The following SNX8 variants were observed in gnomAD, a reference collection of about 807,000 sequenced individuals.
SNX8 encodes the protein sorting nexin-8.
In SNX8, 25 loss-of-function variants were observed where a neutral mutation model predicts 51.6. The ratio of observed to expected loss-of-function variants is 0.48; its 90% confidence interval spans 0.35 to 0.68. SNX8 has a LOEUF of 0.68. Among genes scored for constraint, SNX8 ranks in the 30% least tolerant of loss-of-function variants. The probability of loss-of-function intolerance (pLI) is 0.00; values close to 1 mark genes in which losing one functional copy is unlikely to be tolerated. For missense variants in SNX8, 695 were observed against 624.0 expected (o/e 1.11, Z -1.21); for synonymous variants, 324 against 277.0 (o/e 1.17, Z -1.68).
At chr7:2,319,687 C>T (rs944137174) in intron 1 of SNX8, among the ~76,000 whole-genome samples, 4 of 152,136 alleles carry the variant, frequency 2.6e-5, no homozygotes, top group Admixed American at 6.6e-5. Context: ...TGGTGGCGGG[C>T]GCCTGTAGTC....
Position 2,314,377 on chromosome 7 carries a change from C to A in SNX8, c.45G>T (p.Gly15=), listed in dbSNP as rs1796718870. 9 of 1,222,938 alleles carry A rather than the reference C, an allele frequency of 7.4e-6. No homozygotes were observed. Among genetic ancestry groups the A allele is most frequent in the Non-Finnish European group, 9.2e-6 (9 of 981,936 alleles). The allele number at this position is 1,222,938 out of a possible 1,614,324, so 75.8% of individuals were successfully genotyped here. ...CGTCAGCCTCCGCCTCAGCTGCCGC[C>A]CCGACTGCAGCCGCGGGCAGCGGGT... ...AMDPLPAAAV[G]AAAEAEADEE... is the part of the protein sequence containing the mutation. Residue 15 remains glycine (G), a synonymous_variant, in exon 1 of 11, where the codon GGG becomes GGT. Transcript: ENST00000222990.
At chr7:2,317,250 T>TC (rs1273019379), upstream of SNX8, among the ~76,000 whole-genome samples, 43 of 89,364 alleles carry the variant, frequency 4.8e-4, no homozygotes, top group African/African-American at 1.6e-3. Flanking sequence ...TCCTGGACCT[T>TC]CTTTTTTTTT....
At chr7:2,283,567 A>G (rs1562437405) in intron 1 of SNX8, among the ~76,000 whole-genome samples, 1 of 152,080 alleles carries the variant, frequency 6.6e-6, no homozygotes, top group Non-Finnish European at 1.5e-5. Flanking sequence ...GCGCATTCCC[A>G]TGGACTCCAA....
At chr7:2,314,198 G>A (rs1796714232) in intron 1 of SNX8, 130 bp downstream of exon 1, 1 of 997,262 alleles carries the variant, frequency 1.0e-6, no homozygotes, top group Admixed American at 4.5e-5. Flanking sequence ...ACTGGGGCGT[G>A]GGGCCGAACG....
At chr7:2,255,211 G>T in intron 10 of SNX8, 42 bp from the exon 11 acceptor site, 1 of 1,282,882 alleles carries the variant, frequency 7.8e-7, no homozygotes. Context: ...AGGCGGGGCC[G>T]GGGCTCCTCC....
At chr7:2,331,549 C>CA (rs1778736846) in intron 1 of SNX8, among the ~76,000 whole-genome samples, 1 of 151,660 alleles carries the variant, frequency 6.6e-6, no homozygotes, top group South Asian at 2.1e-4. Context: ...ACTAAAAATA[C>CA]AAAAAATTAG....
intron 1 of SNX8, among the ~76,000 whole-genome samples, chr7:2,342,648 C>T (rs989096929): frequency 2.0e-5 from 3 of 148,124 alleles, no homozygotes; most frequent in Non-Finnish European, 1.5e-5. Flanking sequence ...AGCGAGACTC[C>T]ATCTCCCAAA....
chr7:2,261,911 G>A (rs988452224), intron 7 of SNX8, among the ~76,000 whole-genome samples: 1 of 152,224 alleles, frequency 6.6e-6, no homozygotes, highest in Non-Finnish European at 1.5e-5. Context: ...GAGCTCCGGG[G>A]CTCAGGGGAA....
rs201780693 is a variant in SNX8, at chr7:2,275,227, G to A, written c.303C>T (p.Arg101=). The A allele has an allele frequency of 4.0e-5, 65 of 1,608,960 alleles. No individual in the cohort carries two copies. Among genetic ancestry groups the A allele is most frequent in the Non-Finnish European group, 5.4e-5 (63 of 1,175,300 alleles). The change falls in exon 3 of 11, where the codon CGC becomes CGT. Residue 101 remains arginine, a splice_region_variant and synonymous_variant. Transcript: ENST00000222990. ...ACCGTCTGTATACCGAGGACTTGAA[G>A]CGCTGCAAGAGAAGGGTCGGTGCTT... The part of the protein sequence containing the change: ...KHVEYEVSSQ[R]FKSSVYRRYN...
intron 7 of SNX8, among the ~76,000 whole-genome samples, chr7:2,258,342 G>A (rs770839954): frequency 6.6e-6 from 1 of 152,148 alleles, no homozygotes; most frequent in Non-Finnish European, 1.5e-5. Flanking sequence ...TGGGAACAAG[G>A]CCTGCGTTCC....
intron 1 of SNX8, among the ~76,000 whole-genome samples, chr7:2,283,553 G>C (rs926157614): frequency 1.3e-5 from 2 of 152,204 alleles, no homozygotes; most frequent in African/African-American, 4.8e-5. Flanking sequence ...GGGAGGACCT[G>C]AATGCGCATT....
chr7:2,287,172 A>G (rs1796049106), intron 1 of SNX8, among the ~76,000 whole-genome samples: 1 of 151,498 alleles, frequency 6.6e-6, no homozygotes, highest in Admixed American at 6.6e-5. Context: ...TCATAGAGAT[A>G]GGGTCTCGCC....
chr7:2,305,316 A>C (rs1473414037), intron 1 of SNX8, among the ~76,000 whole-genome samples: 1 of 152,172 alleles, frequency 6.6e-6, no homozygotes. Flanking sequence ...ATAGTCCTAC[A>C]AAATTATCTT....
At chr7:2,327,476 C>T (rs188873081) in intron 1 of SNX8, among the ~76,000 whole-genome samples, 59 of 151,264 alleles carry the variant, frequency 3.9e-4, no homozygotes, top group African/African-American at 1.2e-3. Context: ...GGCGCGATCT[C>T]GGCTCACTGC....
chr7:2,264,220 C>T lies in SNX8; in HGVS notation c.782+78G>A, dbSNP rs1795406693. 6 of 1,435,496 alleles carry T rather than the reference C, an allele frequency of 4.2e-6. No homozygotes were observed. The East Asian group carries it at 1.2e-4, about 28-fold the overall frequency. The allele number at this position is 1,435,496 out of a possible 1,614,324, so 88.9% of individuals were successfully genotyped here. A position where few individuals can be genotyped will look rare whatever the true frequency, so the allele number is the denominator to read the frequency against. ...GATGCTGGTTATTACGGTAAACGCA[C>T]TTTCCGCCCAAGCCCTTCACCAGCA... On this transcript the variant is annotated intron_variant, in intron 6 of 10. Transcript: ENST00000222990.
intron 9 of SNX8, 84 bp downstream of exon 9, chr7:2,257,281 G>A (rs1218231013): frequency 1.4e-6 from 2 of 1,476,474 alleles, no homozygotes; most frequent in Admixed American, 2.0e-5. Context: ...CAACCCAGGG[G>A]AGCCCACCAG....
At chr7:2,265,879 T>A (rs1468464202) in intron 5 of SNX8, among the ~76,000 whole-genome samples, 1 of 151,328 alleles carries the variant, frequency 6.6e-6, no homozygotes, top group Non-Finnish European at 1.5e-5. Flanking sequence ...TGGGGGGCCA[T>A]GCCAGGAGGA....
At chr7:2,299,994 T>A (rs909177843) in intron 1 of SNX8, among the ~76,000 whole-genome samples, 1 of 152,192 alleles carries the variant, frequency 6.6e-6, no homozygotes, top group African/African-American at 2.4e-5. Context: ...CTGGCTGCCT[T>A]AAGGGTAGAC....
intron 1 of SNX8, among the ~76,000 whole-genome samples, chr7:2,337,476 C>T (rs1778852375): frequency 6.6e-6 from 1 of 151,854 alleles, no homozygotes; most frequent in Admixed American, 6.6e-5. Flanking sequence ...TGTGCATTTC[C>T]CTTATGTAAA....
Sources: gnomAD v4.1 joint callset for allele counts (sites outside exome capture counted in the v4.1 genomes callset) on GRCh38, gnomAD v4.1.1 for gene constraint, MANE v1.5 for transcripts, NCBI Gene and HGNC (gene_info 2026-07-23, HGNC 2026-07-21) for gene names.